NALCN: variants seen among roughly 807,000 people sequenced by gnomAD.
NALCN encodes sodium leak channel, non-selective, also known as sodium leak channel NALCN.
A neutral mutation model predicts 225.3 loss-of-function variants in NALCN; 111 were observed. That is an observed-to-expected ratio of 0.49 (90% CI 0.42 to 0.58). NALCN has a LOEUF of 0.58. Ranked by LOEUF, NALCN falls within the 20% of genes least tolerant of loss-of-function variation. The probability of loss-of-function intolerance (pLI) is 0.00; values close to 1 mark genes in which losing one functional copy is unlikely to be tolerated. For missense variants in NALCN, 1,378 were observed against 2,202.4 expected, an observed-to-expected ratio of 0.63 and a Z score of 7.49; for synonymous variants, 764 against 769.0, an observed-to-expected ratio of 0.99 and a Z score of 0.11.
At position 101,320,160 on chromosome 13, in the gene NALCN, A is replaced by G. The variant is rs148099406; in HGVS notation, c.799+25106T>C. Among the ~76,000 whole-genome samples, 47 of 152,344 alleles carry G rather than the reference A, an allele frequency of 3.1e-4. No individual in the cohort carries two copies. In the East Asian group the frequency reaches 8.5e-3, roughly 28 times the overall value. ...AGTGTACTAAAATCTACCTTCAGGT[A>G]TTCAATTTACAACAACAATAACAAA... On this transcript the variant is annotated intron_variant, in intron 7 of 43. Transcript: ENST00000251127.
In NALCN at chr13:101,057,987, C is replaced by T. The variant is rs566302048; in HGVS notation, c.4975G>A (p.Asp1659Asn). The change falls in exon 43 of 44, where the codon GAC becomes AAC. Residue 1659 changes from aspartate (D) to asparagine (N), a missense_variant. Physicochemically the swap from Asp to Asn is conservative, Grantham distance 23. Coordinates refer to ENST00000251127, the MANE Select transcript of NALCN (RefSeq NM_052867.4). ...AATTTCCTCTGGGGTTTCCCTGCGT[C>T]GGCTGCATCTTGCCGACTTCCTCCT... ...DRGGSRQDAA[D>N]AGKPQRKFGQ... 2.9e-5 allele frequency: 47 copies of T among 1,613,920 alleles called. No individual in the cohort carries two copies. The highest frequency in any genetic ancestry group is 2.0e-4 in the East Asian group (9 of 44,870).
chr13:101,064,633 A>C (rs2032218726), intron 40 of NALCN, among the ~76,000 whole-genome samples: 1 of 152,020 alleles, frequency 6.6e-6, no homozygotes, highest in South Asian at 2.1e-4. Flanking sequence ...TGATGCTTCT[A>C]CAAGCCAAGG....
At chr13:101,248,240 A>G (rs1416113585) in intron 11 of NALCN, among the ~76,000 whole-genome samples, 1 of 152,232 alleles carries the variant, frequency 6.6e-6, no homozygotes, top group Non-Finnish European at 1.5e-5. Flanking sequence ...AGAGAAAATA[A>G]TAAAGGTGAG....
At chr13:101,262,164 T>C (rs1337377409) in intron 10 of NALCN, among the ~76,000 whole-genome samples, 2 of 152,244 alleles carry the variant, frequency 1.3e-5, no homozygotes. Context: ...TATTTGCATA[T>C]GTTGAATCAT....
chr13:101,373,297 A>G (rs1251309971), intron 6 of NALCN, among the ~76,000 whole-genome samples: 2 of 152,188 alleles, frequency 1.3e-5, no homozygotes, highest in Non-Finnish European at 2.9e-5. Flanking sequence ...AACATGTTCC[A>G]CTTGTTTTAT....
intron 17 of NALCN, among the ~76,000 whole-genome samples, chr13:101,127,275 C>T (rs755509482): frequency 2.6e-5 from 4 of 152,166 alleles, no homozygotes; most frequent in Non-Finnish European, 5.9e-5. Context: ...TACTTGAGAA[C>T]TGTTTTTATA....
intron 18 of NALCN, chr13:101,116,527 CTTCT>C: frequency 1.9e-6 from 1 of 516,508 alleles, no homozygotes; most frequent in Non-Finnish European, 3.9e-6. Context: ...CGGTTCTTTT[CTTCT>C]TTGTCTCCAT....
At position 101,229,402 on chromosome 13, in the gene NALCN, CGTA is replaced by C; in HGVS notation, c.1614_1616del (p.Thr539del). On this transcript the variant is annotated inframe_deletion, in exon 13 of 44. Transcript: ENST00000251127. ...TTTTTAAAACTCTTACCCTCGGAAACGTAGTAAATCTGTCCAGTTCTTCGACAA... is the reference window on the plus strand; with the variant it reads ...TTTTTAAAACTCTTACCCTCGGAAACGTAAATCTGTCCAGTTCTTCGACAA... 1.3e-6 allele frequency: 2 copies of C among 1,558,942 alleles called. No individual in the cohort carries two copies. The highest frequency in any genetic ancestry group is 1.7e-6 in the Non-Finnish European group (2 of 1,154,058).
At chr13:101,256,154 T>A (rs1006305661) in intron 11 of NALCN, among the ~76,000 whole-genome samples, 1 of 152,194 alleles carries the variant, frequency 6.6e-6, no homozygotes, top group Non-Finnish European at 1.5e-5. Flanking sequence ...ACACCCTAGA[T>A]TTTATATTTC....
At chr13:101,206,561 A>G (rs1005265293) in intron 13 of NALCN, among the ~76,000 whole-genome samples, 3 of 149,160 alleles carry the variant, frequency 2.0e-5, no homozygotes, top group African/African-American at 4.9e-5. Context: ...TGTACTTGCC[A>G]TTTAAAAAAT....
At chr13:101,198,869 T>C (rs1453253623) in intron 13 of NALCN, among the ~76,000 whole-genome samples, 1 of 152,186 alleles carries the variant, frequency 6.6e-6, no homozygotes, top group African/African-American at 2.4e-5. Context: ...CTATTCACAA[T>C]AGCAAAGACT....
At chr13:101,152,586 G>C (rs879603069) in intron 15 of NALCN, among the ~76,000 whole-genome samples, 7 of 151,274 alleles carry the variant, frequency 4.6e-5, no homozygotes, top group Non-Finnish European at 8.8e-5. Context: ...TAATGAATTA[G>C]TAAAAGAAAA....
At chr13:101,367,067 A>C (rs2046396970) in intron 6 of NALCN, among the ~76,000 whole-genome samples, 2 of 152,164 alleles carry the variant, frequency 1.3e-5, no homozygotes, top group African/African-American at 4.8e-5. Flanking sequence ...TTCACTTAGC[A>C]TAATGTCCTC....
chr13:101,292,159 C>T lies in NALCN; in HGVS notation c.942+65G>A. ...ATGACAAAGCAGAGGGCAACCAAAA[C>T]CAAACAAAAGATCTGCAGAACTATC... On this transcript the variant is annotated intron_variant, in intron 8 of 43. Coordinates refer to ENST00000251127, the MANE Select transcript of NALCN (RefSeq NM_052867.4). The surrounding 1 kb of genome is among the most constrained non-coding windows in gnomAD (Gnocchi z 4.3). The T allele has an allele frequency of 6.2e-7, 1 of 1,612,146 alleles. No homozygotes were observed. Among genetic ancestry groups the T allele is most frequent in the Non-Finnish European group, 8.5e-7 (1 of 1,178,904 alleles).
chr13:101,301,486 G>A (rs1282376258), intron 7 of NALCN, among the ~76,000 whole-genome samples: 2 of 152,128 alleles, frequency 1.3e-5, no homozygotes, highest in African/African-American at 4.8e-5. Flanking sequence ...ACTTCGGGAG[G>A]CCAAGGCAGG....
At chr13:101,278,048 C>T (rs1157501737) in intron 10 of NALCN, among the ~76,000 whole-genome samples, 3 of 152,118 alleles carry the variant, frequency 2.0e-5, no homozygotes, top group Non-Finnish European at 4.4e-5. Flanking sequence ...AAAACAAAGT[C>T]CCACTTTGAA....
intron 15 of NALCN, among the ~76,000 whole-genome samples, chr13:101,167,280 G>C (rs537226220): frequency 7.9e-5 from 12 of 152,138 alleles, no homozygotes; most frequent in Non-Finnish European, 1.8e-4. Flanking sequence ...AGATTGCATT[G>C]AATCTGTAGA....
rs114615675 is a variant in NALCN, at chr13:101,100,468, A to C, written c.3162+316T>G. On this transcript the variant is annotated intron_variant, in intron 27 of 43. Transcript: ENST00000251127. Reference sequence around the variant, plus strand: ...GAAGAGACATATCACATGCTTAAGCAAAAAGGGGTTTGTGGGAAGAGAATT... The same window carrying C: ...GAAGAGACATATCACATGCTTAAGCCAAAAGGGGTTTGTGGGAAGAGAATT... Among the ~76,000 whole-genome samples the C allele has an allele frequency of 2.1e-3, 325 of 152,338 alleles. 1 individual carries two copies. The highest frequency in any genetic ancestry group is 7.6e-3 in the African/African-American group (316 of 41,578).
rs1437376028 is a variant in NALCN at position 101,376,993 on chromosome 13, G to A, written c.439C>T (p.Pro147Ser). Residue 147 changes from proline to serine, a missense_variant, in exon 5 of 44, where the codon CCA becomes TCA. Physicochemically the swap from Pro to Ser is moderately conservative, Grantham distance 74. Transcript: ENST00000251127. ...CGGAATGCTCGGATCATAATCAGTG[G>A]CCGTGGAATCCGCAACATGCCCCAA... ...SPWGMLRIPR[P>S]LIMIRAFRIY... 6.2e-7 allele frequency: 1 copy of A among 1,614,114 alleles called. No individual in the cohort carries two copies. Among genetic ancestry groups the A allele is most frequent in the Non-Finnish European group, 8.5e-7 (1 of 1,180,008 alleles).
Sources: allele counts gnomAD v4.1 joint callset (sites outside exome capture counted in the v4.1 genomes callset), GRCh38; gene constraint gnomAD v4.1.1; non-coding constraint Gnocchi (gnomAD v3.1); transcripts MANE v1.5; gene names NCBI Gene and HGNC (gene_info 2026-07-23, HGNC 2026-07-21).